Variants in FAT3 observed in about 807,000 individuals in gnomAD.
FAT3 encodes the protein protocadherin Fat 3.
FAT3 carries 95 observed loss-of-function variants against 310.2 expected under a neutral mutation model. The ratio of observed to expected loss-of-function variants is 0.31; its 90% CI spans 0.26 to 0.36. FAT3 has a LOEUF of 0.36. Among genes scored for constraint, FAT3 ranks in the 10% least tolerant of loss-of-function variants. FAT3 has a pLI of 1.00. For synonymous variants in FAT3, 2,314 were observed against 2,192.9 expected, an observed-to-expected ratio of 1.06 and a Z score of -1.54; for missense variants, 5,408 against 5,715.6, an observed-to-expected ratio of 0.95 and a Z score of 1.74.
At chr11:92,328,525 G>C (rs866317753) in intron 1 of FAT3, among the ~76,000 whole-genome samples, 1 of 152,160 alleles carries the variant, frequency 6.6e-6, no homozygotes, top group Non-Finnish European at 1.5e-5. Context: ...GAACCTCAGG[G>C]ATTAATCAGA....
At chr11:92,623,668 G>A (rs1360060819) in intron 3 of FAT3, among the ~76,000 whole-genome samples, 1 of 152,194 alleles carries the variant, frequency 6.6e-6, no homozygotes, top group Non-Finnish European at 1.5e-5. Flanking sequence ...CAGTGGCTGG[G>A]CATGGTGTCT....
In FAT3 at chr11:92,892,246, C is replaced by T. The variant is rs1949931058; in HGVS notation, c.*1133C>T. 3.3e-5 allele frequency: 5 copies of T among 152,080 alleles called. No homozygotes were observed. The highest frequency in any genetic ancestry group is 2.6e-4 in the Admixed American group (4 of 15,270). The allele number at this position is 152,080 out of a possible 1,614,324, so 9.4% of individuals were successfully genotyped here. A position where few individuals can be genotyped will look rare whatever the true frequency, so the allele number is the denominator to read the frequency against. On this transcript the variant is annotated 3_prime_UTR_variant, in exon 28 of 28. Coordinates refer to ENST00000525166, the MANE Select transcript of FAT3 (RefSeq NM_001367949.2). ...TCAGTAAGGCTGCTCTTGAGGAAAG[C>T]TAATGTGAAGGTTTTGGGAAATGGA...
At chr11:92,751,943 A>G (rs1945840264) in intron 4 of FAT3, among the ~76,000 whole-genome samples, 1 of 152,142 alleles carries the variant, frequency 6.6e-6, no homozygotes, top group South Asian at 2.1e-4. Context: ...CAATGCCTAC[A>G]GGATTCCTGT....
intron 1 of FAT3, among the ~76,000 whole-genome samples, chr11:92,331,238 G>T (rs1947915871): frequency 6.6e-6 from 1 of 151,376 alleles, no homozygotes; most frequent in Non-Finnish European, 1.5e-5. Flanking sequence ...ATTGTCTGTG[G>T]TTGAATAGAT....
In FAT3 at chr11:92,891,246, A is replaced by G. The variant is rs113226511; in HGVS notation, c.*133A>G. 1.2e-5 allele frequency: 15 copies of G among 1,202,296 alleles called. No individual in the cohort carries two copies. The highest frequency in any genetic ancestry group is 7.6e-5 in the African/African-American group (5 of 65,756). 74.5% of individuals were successfully genotyped at this position (1,202,296 alleles called of 1,614,324 possible). A position where few individuals can be genotyped will look rare whatever the true frequency, so the allele number is the denominator to read the frequency against. On this transcript the variant is annotated 3_prime_UTR_variant, in exon 28 of 28. Transcript: ENST00000525166. ...GTATTTTTCCACTAGAAACTTCTTC[A>G]CAAGTCATACTGTCCCAACAAGCAA...
In FAT3 at chr11:92,740,392, A is replaced by T. The variant is rs79579558; in HGVS notation, c.3670-21464A>T. Reference sequence around the variant, plus strand: ...TGTTTGGCTTTTGACATCCGCAGAAAGTTCACCAGCCACTGTTTTCACATT... The same window carrying T: ...TGTTTGGCTTTTGACATCCGCAGAATGTTCACCAGCCACTGTTTTCACATT... On this transcript the variant is annotated intron_variant, in intron 4 of 27. Coordinates refer to ENST00000525166, the MANE Select transcript of FAT3 (RefSeq NM_001367949.2). Among the ~76,000 whole-genome samples, 1,118 of 152,328 alleles carry T rather than the reference A, an allele frequency of 7.3e-3. 11 individuals are homozygous for T. The highest frequency in any genetic ancestry group is 0.026 in the African/African-American group (1,061 of 41,570).
chr11:92,566,173 G>A (rs181835395), intron 3 of FAT3, among the ~76,000 whole-genome samples: 146 of 152,238 alleles, frequency 9.6e-4, no homozygotes, highest in African/African-American at 3.3e-3. Flanking sequence ...AAGCTGATAA[G>A]CAACTTCAGC....
At chr11:92,569,740 C>T (rs970926477) in intron 3 of FAT3, among the ~76,000 whole-genome samples, 2 of 152,146 alleles carry the variant, frequency 1.3e-5, no homozygotes, top group Non-Finnish European at 2.9e-5. Flanking sequence ...ATTAATGTCC[C>T]CCCTTTACTT....
intron 1 of FAT3, among the ~76,000 whole-genome samples, chr11:92,267,998 C>T (rs1591030571): frequency 6.7e-6 from 1 of 148,232 alleles, no homozygotes; most frequent in East Asian, 2.0e-4. Flanking sequence ...ACATTACCAG[C>T]ATTATAGGCT....
intron 3 of FAT3, among the ~76,000 whole-genome samples, chr11:92,589,066 G>GGTGA (rs1348825704): frequency 1.3e-5 from 2 of 151,984 alleles, no homozygotes; most frequent in Non-Finnish European, 2.9e-5. Context: ...ATTTCTTTAT[G>GGTGA]GTGAGCCCCA....
rs1289733483 is a variant in FAT3, at chr11:92,871,402, C to T, written c.12127+4193C>T. On this transcript the variant is annotated intron_variant, in intron 22 of 27. Coordinates refer to ENST00000525166, the MANE Select transcript of FAT3 (RefSeq NM_001367949.2). ...TGGAAAGGCAGTATCTCAGATCCCA[C>T]CCCAAATCCACTGAATCGGAATCTG... Among the ~76,000 whole-genome samples the T allele has an allele frequency of 3.3e-5, 5 of 152,252 alleles. No individual in the cohort carries two copies. In the East Asian group the frequency reaches 9.7e-4, roughly 29 times the overall value.
intron 2 of FAT3, among the ~76,000 whole-genome samples, chr11:92,357,869 A>ATG (rs1849364563): frequency 6.6e-6 from 1 of 151,902 alleles, no homozygotes; most frequent in Non-Finnish European, 1.5e-5. Flanking sequence ...TTATATATAT[A>ATG]TTAAAAAAAC....
intron 4 of FAT3, among the ~76,000 whole-genome samples, chr11:92,715,477 CATG>C (rs1944655520): frequency 6.6e-6 from 1 of 151,734 alleles, no homozygotes. Flanking sequence ...AATTATCACT[CATG>C]AGAATACACA....
intron 4 of FAT3, among the ~76,000 whole-genome samples, chr11:92,746,170 C>T (rs934819686): frequency 6.6e-6 from 1 of 152,190 alleles, no homozygotes; most frequent in Admixed American, 6.5e-5. Flanking sequence ...CTGTATTAGT[C>T]TGTTCTCATG....
intron 2 of FAT3, among the ~76,000 whole-genome samples, chr11:92,469,419 T>C (rs902985196): frequency 3.9e-5 from 6 of 152,196 alleles, no homozygotes; most frequent in African/African-American, 1.4e-4. Context: ...TTTTCACAGC[T>C]ACATTAAGAT....
At chr11:92,483,012 T>C (rs541875200) in intron 2 of FAT3, among the ~76,000 whole-genome samples, 2 of 152,014 alleles carry the variant, frequency 1.3e-5, no homozygotes, top group East Asian at 3.9e-4. Flanking sequence ...ATGAAAAGAG[T>C]CATAGGTGCT....
intron 2 of FAT3, among the ~76,000 whole-genome samples, chr11:92,463,309 G>A (rs12285223): frequency 0.094 from 14,345 of 152,138 alleles, 1,050 homozygotes; most frequent in African/African-American, 0.21. Flanking sequence ...TTATTGAATC[G>A]TTAGTGTGTT....
At chr11:92,697,504 C>T (rs1287887707) in intron 4 of FAT3, 59 bp downstream of exon 4, 1 of 1,488,704 alleles carries the variant, frequency 6.7e-7, no homozygotes, top group East Asian at 2.3e-5. Flanking sequence ...ACTTCTTTAA[C>T]CTTCAACATA....
intron 3 of FAT3, among the ~76,000 whole-genome samples, chr11:92,621,392 C>G (rs748037561): frequency 6.6e-6 from 1 of 152,160 alleles, no homozygotes; most frequent in African/African-American, 2.4e-5. Flanking sequence ...TGGACAAAAT[C>G]GCTAGCACTT....
Sources: gnomAD v4.1 joint callset for allele counts (sites outside exome capture counted in the v4.1 genomes callset) on GRCh38, gnomAD v4.1.1 for gene constraint, MANE v1.5 for transcripts, NCBI Gene and HGNC (gene_info 2026-07-23, HGNC 2026-07-21) for gene names.